The following CDH10 variants were observed in gnomAD, a reference collection of about 807,000 sequenced individuals.
CDH10 encodes the protein cadherin 10, also known as cadherin-10.
CDH10 carries 30 observed loss-of-function variants against 73.1 expected under a neutral mutation model. The ratio of observed to expected loss-of-function variants is 0.41; its 90% CI spans 0.31 to 0.56. The LOEUF is 0.56. Among genes scored for constraint, CDH10 ranks in the 20% least tolerant of loss-of-function variants. The pLI is 0.27. For synonymous variants in CDH10, 345 were observed against 348.2 expected (o/e 0.99, Z 0.10); for missense variants, 815 against 973.7 (o/e 0.84, Z 2.17).
intron 1 of CDH10, among the ~76,000 whole-genome samples, chr5:24,637,280 G>C (rs1039272367): frequency 6.6e-6 from 1 of 151,906 alleles, no homozygotes; most frequent in African/African-American, 2.4e-5. Context: ...GCAAATGAAG[G>C]AATGAAAGAA....
chr5:24,597,801 C>G (rs1204873635), intron 1 of CDH10, among the ~76,000 whole-genome samples: 2 of 151,864 alleles, frequency 1.3e-5, no homozygotes, highest in African/African-American at 4.8e-5. Flanking sequence ...GGCATTTTGG[C>G]ACATCTCAAT....
chr5:24,542,841 G>A (rs1744207132), intron 2 of CDH10, among the ~76,000 whole-genome samples: 2 of 152,096 alleles, frequency 1.3e-5, no homozygotes, highest in African/African-American at 4.8e-5. Flanking sequence ...TCTTGCTGGA[G>A]CACTAATGCT....
chr5:24,528,237 A>G (rs1363884317), intron 5 of CDH10, among the ~76,000 whole-genome samples: 1 of 151,858 alleles, frequency 6.6e-6, no homozygotes, highest in Non-Finnish European at 1.5e-5. Flanking sequence ...CTAGATAATA[A>G]AACAGGGAAA....
chr5:24,518,473 A>G (rs1743191273), intron 5 of CDH10, among the ~76,000 whole-genome samples: 1 of 152,178 alleles, frequency 6.6e-6, no homozygotes, highest in African/African-American at 2.4e-5. Flanking sequence ...ATACATAAAT[A>G]CACGTAAATA....
At chr5:24,623,025 T>C (rs1374875085) in intron 1 of CDH10, among the ~76,000 whole-genome samples, 4 of 152,170 alleles carry the variant, frequency 2.6e-5, no homozygotes, top group Non-Finnish European at 5.9e-5. Flanking sequence ...AAAGTGTTGT[T>C]CTTATAATGC....
rs139506746 is a variant in CDH10, at chr5:24,517,993, T to G, written c.815-6479A>C. Among the ~76,000 whole-genome samples the G allele has an allele frequency of 3.8e-3, 584 of 152,220 alleles. 5 individuals are homozygous for G. The highest frequency in any genetic ancestry group is 0.013 in the African/African-American group (553 of 41,540). On this transcript the variant is annotated intron_variant, in intron 5 of 11. Transcript: ENST00000264463. ...GTGTAGGCTCAGATAACCCTGGTAATATCTATTTTTACAGACACAGACAGC... is the reference window on the plus strand; with the variant it reads ...GTGTAGGCTCAGATAACCCTGGTAAGATCTATTTTTACAGACACAGACAGC...
At chr5:24,627,666 G>A (rs7732042) in intron 1 of CDH10, among the ~76,000 whole-genome samples, 6 of 151,904 alleles carry the variant, frequency 3.9e-5, no homozygotes, top group Non-Finnish European at 8.8e-5. Context: ...TTTAACATGA[G>A]GATGAAAGGG....
At chr5:24,564,070 A>C (rs75712083) in intron 2 of CDH10, among the ~76,000 whole-genome samples, 3,490 of 152,258 alleles carry the variant, frequency 0.023, 85 homozygotes, top group East Asian at 0.086. Context: ...AATCATCTAT[A>C]TCTCAAAAGA....
chr5:24,576,228 A>C (rs1415325430), intron 2 of CDH10, among the ~76,000 whole-genome samples: 1 of 152,172 alleles, frequency 6.6e-6, no homozygotes, highest in African/African-American at 2.4e-5. Context: ...TAGTGACAAT[A>C]GCAATTAAGG....
intron 2 of CDH10, among the ~76,000 whole-genome samples, chr5:24,586,711 C>T (rs1746014998): frequency 6.6e-6 from 1 of 151,866 alleles, no homozygotes; most frequent in Non-Finnish European, 1.5e-5. Context: ...TCCCAAAGTG[C>T]TGGGATTACA....
chr5:24,593,342 T>C lies in CDH10; in HGVS notation c.149A>G (p.His50Arg). ...RVPRSDGKIL[H>R]RQKRGWMWNQ... ...CCACATCCAACCACGTTTTTGACGATGGAGAATTTTGCCATCACTCCTTGG... is the reference window on the plus strand; with the variant it reads ...CCACATCCAACCACGTTTTTGACGACGGAGAATTTTGCCATCACTCCTTGG... The change falls in exon 2 of 12, where the codon CAT becomes CGT. Residue 50 changes from histidine (H) to arginine (R), a missense_variant. Physicochemically the swap from His to Arg is conservative, Grantham distance 29 (BLOSUM62 0). Around this residue, in one of 3 missense-constraint regions of CDH10, gnomAD observed 58 missense variants for 96.7 expected, o/e 0.60. Transcript: ENST00000264463. The C allele has an allele frequency of 1.2e-6, 2 of 1,613,124 alleles. No homozygotes were observed. The highest frequency in any genetic ancestry group is 1.7e-6 in the Non-Finnish European group (2 of 1,179,214).
intron 2 of CDH10, among the ~76,000 whole-genome samples, chr5:24,547,947 G>A (rs991944213): frequency 1.3e-5 from 2 of 152,162 alleles, no homozygotes; most frequent in African/African-American, 4.8e-5. Flanking sequence ...TCTGTCAATT[G>A]TTGAAGAAGC....
At chr5:24,620,603 T>G (rs1023409657) in intron 1 of CDH10, among the ~76,000 whole-genome samples, 2 of 152,228 alleles carry the variant, frequency 1.3e-5, no homozygotes, top group Non-Finnish European at 1.5e-5. Context: ...ATATATATAC[T>G]AAGGACAGTA....
At chr5:24,565,436 G>A (rs188171337) in intron 2 of CDH10, among the ~76,000 whole-genome samples, 1 of 152,100 alleles carries the variant, frequency 6.6e-6, no homozygotes, top group Admixed American at 6.6e-5. Context: ...GATGATAAAT[G>A]TAACAGGATA....
At chr5:24,496,512 C>T (rs1382781036) in intron 9 of CDH10, among the ~76,000 whole-genome samples, 1 of 152,098 alleles carries the variant, frequency 6.6e-6, no homozygotes, top group Non-Finnish European at 1.5e-5. Flanking sequence ...AGGAGAAATT[C>T]TACACTTAGA....
intron 2 of CDH10, among the ~76,000 whole-genome samples, chr5:24,553,629 A>G (rs1000692740): frequency 3.9e-5 from 6 of 152,092 alleles, no homozygotes; most frequent in African/African-American, 1.4e-4. Flanking sequence ...CATGTTTTGT[A>G]TTATATATGT....
At chr5:24,604,004 CAATT>C (rs1443982365) in intron 1 of CDH10, among the ~76,000 whole-genome samples, 1 of 152,040 alleles carries the variant, frequency 6.6e-6, no homozygotes, top group Non-Finnish European at 1.5e-5. Context: ...TCAAACAAAA[CAATT>C]AAAGTTTTAC....
rs536158832 is a variant in CDH10 at position 24,546,246 on chromosome 5, A to C, written c.232-8572T>G. 1.6e-3 allele frequency among the ~76,000 whole-genome samples: 244 copies of C among 152,242 alleles called. 1 individual carries two copies. Among genetic ancestry groups the C allele is most frequent in the African/African-American group, 5.4e-3 (226 of 41,550 alleles). Reference sequence around the variant, plus strand: ...GCTAACACAGTATCAGGGGGTACAAAGATCCTCTGAAATATAGCCAAGCAA... The same window carrying C: ...GCTAACACAGTATCAGGGGGTACAACGATCCTCTGAAATATAGCCAAGCAA... On this transcript the variant is annotated intron_variant, in intron 2 of 11. Coordinates refer to ENST00000264463, the MANE Select transcript of CDH10 (RefSeq NM_006727.5).
intron 9 of CDH10, among the ~76,000 whole-genome samples, chr5:24,497,669 T>A (rs1389561779): frequency 6.6e-6 from 1 of 152,196 alleles, no homozygotes; most frequent in Non-Finnish European, 1.5e-5. Context: ...TTCCTTTTTT[T>A]AAATAAACAC....
Sources: gnomAD v4.1 joint callset for allele counts (sites outside exome capture counted in the v4.1 genomes callset) on GRCh38, gnomAD v4.1.1 for gene constraint, gnomAD v4.1.1 regional missense constraint, MANE v1.5 for transcripts, NCBI Gene and HGNC (gene_info 2026-07-23, HGNC 2026-07-21) for gene names.